ZNF362: variants seen among roughly 807,000 people sequenced by gnomAD.
The protein encoded by ZNF362 is rotund homolog.
A neutral mutation model predicts 42.9 loss-of-function variants in ZNF362; 11 were observed. The ratio of observed to expected loss-of-function variants is 0.26; its 90% CI spans 0.16 to 0.42. The LOEUF is 0.42. Ranked by LOEUF, ZNF362 falls within the 20% of genes least tolerant of loss-of-function variation. The pLI, the probability that ZNF362 is intolerant of heterozygous loss-of-function variation, is 1.00. For missense variants in ZNF362, 362 were observed against 576.2 expected, an observed-to-expected ratio of 0.63 and a Z score of 3.81; for synonymous variants, 255 against 257.3, an observed-to-expected ratio of 0.99 and a Z score of 0.09.
intron 4 of ZNF362, among the ~76,000 whole-genome samples, chr1:33,279,883 T>C (rs1645978700): frequency 6.6e-6 from 1 of 152,240 alleles, no homozygotes; most frequent in African/African-American, 2.4e-5. Context: ...TGAACTTCTT[T>C]GTGCCTCAGT....
chr1:33,208,528 C>T, the ZNF362 span, among the ~76,000 whole-genome samples: 79 of 152,148 alleles, frequency 5.2e-4, no homozygotes, highest in East Asian at 0.014. Flanking sequence ...TGCAGTATGG[C>T]CATTTTCACG....
At chr1:33,267,581 G>T (rs1412230467) in intron 1 of ZNF362, among the ~76,000 whole-genome samples, 1 of 152,106 alleles carries the variant, frequency 6.6e-6, no homozygotes, top group Non-Finnish European at 1.5e-5. Flanking sequence ...GGGCCTGATT[G>T]TCTGGATTCA....
chr1:33,236,050 C>T, the ZNF362 span, among the ~76,000 whole-genome samples: 24 of 152,114 alleles, frequency 1.6e-4, no homozygotes, highest in Non-Finnish European at 3.4e-4. Context: ...ACTGTTGCCC[C>T]TTCTAACTGT....
At chr1:33,158,199 G>T in the ZNF362 span, 1 of 1,527,542 alleles carries the variant, frequency 6.5e-7, no homozygotes, top group Non-Finnish European at 9.1e-7. Flanking sequence ...AGGGGGCTGG[G>T]CTGTGCTGGG....
At chr1:33,202,547 G>A in the ZNF362 span, among the ~76,000 whole-genome samples, 5 of 149,882 alleles carry the variant, frequency 3.3e-5, no homozygotes, top group Non-Finnish European at 5.9e-5. Flanking sequence ...GCAGTGAGCC[G>A]AGATTGCGCC....
At chr1:33,274,616 C>T (rs1645929489) in intron 2 of ZNF362, among the ~76,000 whole-genome samples, 1 of 152,200 alleles carries the variant, frequency 6.6e-6, no homozygotes, top group Non-Finnish European at 1.5e-5. Flanking sequence ...GGAGGGTGCT[C>T]TGACCCAAAC....
the ZNF362 span, among the ~76,000 whole-genome samples, chr1:33,169,530 C>T: frequency 3.4e-3 from 525 of 152,248 alleles, 5 homozygotes; most frequent in Non-Finnish European, 5.2e-3. Flanking sequence ...AATGCTTCCC[C>T]CTCTCACTCT....
chr1:33,217,365 G>C, the ZNF362 span, among the ~76,000 whole-genome samples: 1 of 152,118 alleles, frequency 6.6e-6, no homozygotes, highest in Admixed American at 6.5e-5. Flanking sequence ...TGCCCAATCT[G>C]AGCCATGTAA....
chr1:33,151,038 G>T, the ZNF362 span, among the ~76,000 whole-genome samples: 3 of 152,112 alleles, frequency 2.0e-5, no homozygotes, highest in South Asian at 6.2e-4. Flanking sequence ...CCTCAAGCAG[G>T]TATAAGGGCT....
intron 8 of ZNF362, among the ~76,000 whole-genome samples, chr1:33,297,995 CG>C (rs1646137599): frequency 6.6e-6 from 1 of 152,116 alleles, no homozygotes; most frequent in Admixed American, 6.5e-5. Context: ...AGCATGTTGC[CG>C]CCACATTTGA....
At chr1:33,142,321 C>T in the ZNF362 span, 1 of 152,266 alleles carries the variant, frequency 6.6e-6, no homozygotes, top group African/African-American at 2.4e-5. Context: ...TCCCCAGAAC[C>T]CTTGAGCTGA....
the ZNF362 span, among the ~76,000 whole-genome samples, chr1:33,216,940 C>T: frequency 2.6e-5 from 4 of 151,310 alleles, no homozygotes; most frequent in South Asian, 2.1e-4. Flanking sequence ...GCAGAGGCGA[C>T]GCGTGGGAGT....
chr1:33,191,803 C>A, the ZNF362 span, among the ~76,000 whole-genome samples: 1 of 152,206 alleles, frequency 6.6e-6, no homozygotes. Flanking sequence ...GGCCAAAATC[C>A]TGTTTCTTTA....
intron 8 of ZNF362, among the ~76,000 whole-genome samples, chr1:33,295,601 G>A (rs907424282): frequency 1.7e-4 from 20 of 116,870 alleles, no homozygotes; most frequent in African/African-American, 5.1e-4. Context: ...CACCTGCTCC[G>A]CAGAGCTACA....
chr1:33,177,365 C>T, the ZNF362 span, among the ~76,000 whole-genome samples: 2 of 152,334 alleles, frequency 1.3e-5, no homozygotes, highest in East Asian at 3.9e-4. This position sits in a 1 kb window ranked among gnomAD's most constrained non-coding sequence, Gnocchi z 4.1. Flanking sequence ...ACCCTTACAA[C>T]ATCCTTCCCA....
the ZNF362 span, among the ~76,000 whole-genome samples, chr1:33,223,414 A>G: frequency 1.3e-5 from 2 of 152,332 alleles, no homozygotes; most frequent in African/African-American, 4.8e-5. Flanking sequence ...TCTTTTGTAG[A>G]TTGCCCAGTC....
At chr1:33,205,525 T>C in the ZNF362 span, among the ~76,000 whole-genome samples, 1 of 151,910 alleles carries the variant, frequency 6.6e-6, no homozygotes, top group Non-Finnish European at 1.5e-5. Flanking sequence ...TAGAAAAAAA[T>C]AACTTTGAAA....
intron 1 of ZNF362, among the ~76,000 whole-genome samples, chr1:33,257,775 G>C (rs558793459): frequency 6.6e-6 from 1 of 152,258 alleles, no homozygotes; most frequent in East Asian, 1.9e-4. Context: ...CCCTGCCCTC[G>C]AGCAGTGTGG....
chr1:33,293,153 C>T (rs946554189), intron 6 of ZNF362, among the ~76,000 whole-genome samples: 1 of 152,190 alleles, frequency 6.6e-6, no homozygotes, highest in Non-Finnish European at 1.5e-5. Flanking sequence ...GAGCAGTTCG[C>T]TCGGGAGATT....
Sources: gnomAD v4.1 joint callset for allele counts (sites outside exome capture counted in the v4.1 genomes callset) on GRCh38, gnomAD v4.1.1 for gene constraint, Gnocchi (gnomAD v3.1) non-coding constraint, MANE v1.5 for transcripts, NCBI Gene and HGNC (gene_info 2026-07-23, HGNC 2026-07-21) for gene names.